Variants in PSTPIP1 observed in about 807,000 individuals in gnomAD.
PSTPIP1 encodes proline-serine-threonine phosphatase interacting protein 1.
In PSTPIP1, 66 loss-of-function variants were observed where a neutral mutation model predicts 69.6. The ratio of observed to expected loss-of-function variants is 0.95; its 90% CI spans 0.78 to 1.16. PSTPIP1 has a LOEUF of 1.16. Among genes scored for constraint, PSTPIP1 ranks in the 50% most tolerant of loss-of-function variants. PSTPIP1 has a pLI of 0.00. For synonymous variants in PSTPIP1, 266 were observed against 222.7 expected (o/e 1.19, Z -1.73); for missense variants, 603 against 557.4 (o/e 1.08, Z -0.82).
chr15:77,018,569 C>G (rs2076098997), intron 3 of PSTPIP1, 38 bp downstream of exon 3: 2 of 1,517,308 alleles, frequency 1.3e-6, no homozygotes, highest in Non-Finnish European at 1.8e-6. Context: ...CTCCTCTCCT[C>G]TGCTGGCAGT....
chr15:77,014,918 C>T lies in PSTPIP1; in HGVS notation c.37-3230C>T, dbSNP rs75124538. On this transcript the variant is annotated intron_variant, in intron 1 of 14. Transcript: ENST00000558012. ...GCCGATGGCCACACACCATGGACGGCGAGGGCTGGGTCCCACATCTGGCTC... is the reference window on the plus strand; with the variant it reads ...GCCGATGGCCACACACCATGGACGGTGAGGGCTGGGTCCCACATCTGGCTC... 7.1e-4 allele frequency among the ~76,000 whole-genome samples: 108 copies of T among 152,354 alleles called. 1 individual carries two copies. In the East Asian group the frequency reaches 0.019, roughly 27 times the overall value.
At chr15:77,006,927 G>A (rs1291961978) in intron 1 of PSTPIP1, among the ~76,000 whole-genome samples, 1 of 152,100 alleles carries the variant, frequency 6.6e-6, no homozygotes, top group African/African-American at 2.4e-5. Flanking sequence ...GGCTCTTTGG[G>A]GGCCCGAGTA....
intron 1 of PSTPIP1, among the ~76,000 whole-genome samples, chr15:77,009,606 C>T (rs1190747230): frequency 6.6e-6 from 1 of 152,196 alleles, no homozygotes; most frequent in Non-Finnish European, 1.5e-5. Flanking sequence ...GCATGAATCC[C>T]CTCGGCTGCC....
chr15:77,012,529 TCATCCATCCATCCATC>T (rs367566326), intron 1 of PSTPIP1, among the ~76,000 whole-genome samples: 15 of 149,674 alleles, frequency 1.0e-4, no homozygotes, highest in African/African-American at 3.7e-4. Flanking sequence ...ATCCATCCAT[TCATCCATCCATCCATC>T]CATCAAGTTG....
At chr15:77,000,267 C>T (rs552207727) in intron 1 of PSTPIP1, among the ~76,000 whole-genome samples, 5 of 152,250 alleles carry the variant, frequency 3.3e-5, no homozygotes, top group Admixed American at 3.3e-4. Flanking sequence ...GCCACTGGTG[C>T]CTTTTCCCTT....
In PSTPIP1 at chr15:77,028,620, A is replaced by C; in HGVS notation, c.484A>C (p.Ser162Arg). 6.3e-7 allele frequency: 1 copy of C among 1,590,248 alleles called. No individual in the cohort carries two copies. Among genetic ancestry groups the C allele is most frequent in the South Asian group, 1.1e-5 (1 of 87,558 alleles). Reference sequence around the variant, plus strand: ...CGCGGAGCAGGCCTTCGAGCGCATTAGCGCCAACGGCCACCAGAAGCAGGT... The same window carrying C: ...CGCGGAGCAGGCCTTCGAGCGCATTCGCGCCAACGGCCACCAGAAGCAGGT... ...DDAEQAFERI[S>R]ANGHQKQVEK... The change falls in exon 7 of 15, where the codon AGC becomes CGC. Residue 162 changes from serine (S) to arginine (R), a missense_variant. Physicochemically the swap from Ser to Arg is moderately radical, Grantham distance 110. Coordinates refer to ENST00000558012, the MANE Select transcript of PSTPIP1 (RefSeq NM_003978.5).
chr15:76,995,304 A>T lies in PSTPIP1; in HGVS notation c.-270A>T. Reference sequence around the variant, plus strand: ...CAGGGTCGGTGAGGGGCTGGGCTGGACACCAGGGCCCGCCCTCCCATCACT... The same window carrying T: ...CAGGGTCGGTGAGGGGCTGGGCTGGTCACCAGGGCCCGCCCTCCCATCACT... On this transcript the variant is annotated 5_prime_UTR_variant, in exon 1 of 15. Transcript: ENST00000558012. 7.3e-7 allele frequency: 1 copy of T among 1,373,566 alleles called. No individual in the cohort carries two copies. The highest frequency in any genetic ancestry group is 9.4e-7 in the Non-Finnish European group (1 of 1,060,386). The allele number at this position is 1,373,566 out of a possible 1,614,324, so 85.1% of individuals were successfully genotyped here.
chr15:77,029,188 G>T (rs556840256), intron 7 of PSTPIP1, among the ~76,000 whole-genome samples: 1 of 152,328 alleles, frequency 6.6e-6, no homozygotes, highest in Admixed American at 6.5e-5. Flanking sequence ...CCCAGAGAGG[G>T]AAGTGGCCTG....
chr15:77,024,836 C>T (rs1437764809), intron 3 of PSTPIP1, among the ~76,000 whole-genome samples: 2 of 152,038 alleles, frequency 1.3e-5, no homozygotes, highest in South Asian at 4.2e-4. Context: ...TCCAAACATC[C>T]CCCGGGCCAC....
intron 8 of PSTPIP1, among the ~76,000 whole-genome samples, chr15:77,030,098 G>T (rs2076379166): frequency 6.6e-6 from 1 of 152,110 alleles, no homozygotes; most frequent in Non-Finnish European, 1.5e-5. Flanking sequence ...CTCGGCTGGG[G>T]GACAGGTGAC....
At chr15:77,004,536 G>A (rs1057003852) in intron 1 of PSTPIP1, among the ~76,000 whole-genome samples, 4 of 152,136 alleles carry the variant, frequency 2.6e-5, no homozygotes, top group Non-Finnish European at 4.4e-5. Context: ...GACCAAGGTG[G>A]AGAGTAGTTG....
intron 1 of PSTPIP1, among the ~76,000 whole-genome samples, 190 bp downstream of exon 1, chr15:76,995,799 C>T (rs2075565362): frequency 6.6e-6 from 1 of 152,226 alleles, no homozygotes; most frequent in Non-Finnish European, 1.5e-5. Context: ...AAGTGGACTC[C>T]GTGAATGAGC....
At chr15:77,029,620 C>A in intron 8 of PSTPIP1, 46 bp downstream of exon 8, 2 of 1,540,450 alleles carry the variant, frequency 1.3e-6, no homozygotes, top group Non-Finnish European at 1.8e-6. Context: ...GAGGCCTGGG[C>A]GGTACTCCCC....
chr15:77,034,269 A>T (rs11072640), intron 12 of PSTPIP1, among the ~76,000 whole-genome samples: 149,921 of 152,178 alleles, frequency 0.99, 73,886 homozygotes, highest in East Asian at 1. Context: ...CGCTTCCTCC[A>T]CCTGTCCCCA....
At chr15:77,008,028 G>C (rs999039180) in intron 1 of PSTPIP1, 1 of 456,468 alleles carries the variant, frequency 2.2e-6, no homozygotes, top group African/African-American at 2.0e-5. Flanking sequence ...TCAGACTACA[G>C]GTGGTAGGAA....
At position 77,010,109 on chromosome 15, in the gene PSTPIP1, C is replaced by T. The variant is rs562166955; in HGVS notation, c.37-8039C>T. Among the ~76,000 whole-genome samples the T allele has an allele frequency of 2.6e-5, 4 of 152,314 alleles. No individual in the cohort carries two copies. The East Asian group carries it at 7.7e-4, about 29-fold the overall frequency. ...CCCCTGCATCAGTCACCCCCAAGGGCCCACGGCCTCCCTTCCTCACTTGCC... is the reference window on the plus strand; with the variant it reads ...CCCCTGCATCAGTCACCCCCAAGGGTCCACGGCCTCCCTTCCTCACTTGCC... On this transcript the variant is annotated intron_variant, in intron 1 of 14. Coordinates refer to ENST00000558012, the MANE Select transcript of PSTPIP1 (RefSeq NM_003978.5).
At chr15:76,994,779 G>C, upstream of PSTPIP1, 1 of 1,289,132 alleles carries the variant, frequency 7.8e-7, no homozygotes, top group African/African-American at 1.5e-5. Context: ...TCCCAGAGCA[G>C]CCAGGGTTTG....
chr15:76,998,577 A>T (rs753934590), intron 1 of PSTPIP1, among the ~76,000 whole-genome samples: 4 of 152,206 alleles, frequency 2.6e-5, no homozygotes, highest in Non-Finnish European at 4.4e-5. Context: ...TCTGCACAGT[A>T]CCTGATATAC....
At position 77,031,908 on chromosome 15, in the gene PSTPIP1, G is replaced by C. The variant is rs1382249938; in HGVS notation, c.742-390G>C. On this transcript the variant is annotated intron_variant, in intron 10 of 14. Transcript: ENST00000558012. ...CTTGTTGTTTTTGCCCAAGTGACTC[G>C]AGCCCCCTGCTGCCTCCTCGCCTCC... 9 of 207,202 alleles carry C rather than the reference G, an allele frequency of 4.3e-5. No individual in the cohort carries two copies. The Admixed American group carries it at 4.3e-4, about 10-fold the overall frequency. 12.8% of individuals were successfully genotyped at this position (207,202 alleles called of 1,614,324 possible).
Sources: allele counts gnomAD v4.1 joint callset (sites outside exome capture counted in the v4.1 genomes callset), GRCh38; gene constraint gnomAD v4.1.1; transcripts MANE v1.5; gene names NCBI Gene and HGNC (gene_info 2026-07-23, HGNC 2026-07-21).